The following FAT3 variants were observed in gnomAD, a reference collection of about 807,000 sequenced individuals.
The protein encoded by FAT3 is FAT atypical cadherin 3.
FAT3 carries 95 observed loss-of-function variants against 310.2 expected under a neutral mutation model. The ratio of observed to expected loss-of-function variants is 0.31; its 90% CI spans 0.26 to 0.36. The LOEUF (loss-of-function observed/expected upper bound fraction) is 0.36. Ranked by LOEUF, FAT3 falls within the 10% of genes least tolerant of loss-of-function variation. The probability of loss-of-function intolerance (pLI) is 1.00; values close to 1 mark genes in which losing one functional copy is unlikely to be tolerated. For missense variants in FAT3, 5,408 were observed against 5,715.6 expected (o/e 0.95, Z 1.74); for synonymous variants, 2,314 against 2,192.9 (o/e 1.06, Z -1.54).
intron 1 of FAT3, among the ~76,000 whole-genome samples, chr11:92,281,688 A>G (rs1946426804): frequency 6.6e-6 from 1 of 152,214 alleles, no homozygotes; most frequent in South Asian, 2.1e-4. Context: ...TATTGAATCA[A>G]TAAATGAGAA....
chr11:92,496,530 G>GACCC (rs1364484047), intron 2 of FAT3, among the ~76,000 whole-genome samples: 2 of 151,980 alleles, frequency 1.3e-5, no homozygotes. Context: ...AGTTCACAGT[G>GACCC]ACCCCCATGT....
chr11:92,425,484 C>G (rs919486816), intron 2 of FAT3, among the ~76,000 whole-genome samples: 2 of 152,004 alleles, frequency 1.3e-5, no homozygotes, highest in African/African-American at 4.8e-5. Flanking sequence ...GTTTGCTGCA[C>G]CCATCAACCC....
chr11:92,419,204 A>G (rs1950485886), intron 2 of FAT3, among the ~76,000 whole-genome samples: 1 of 152,120 alleles, frequency 6.6e-6, no homozygotes, highest in Admixed American at 6.6e-5. Flanking sequence ...TATTTTCCTT[A>G]TGTAAGTGAT....
chr11:92,225,795 C>G (rs1565336695), intron 1 of FAT3, among the ~76,000 whole-genome samples: 1 of 152,106 alleles, frequency 6.6e-6, no homozygotes, highest in Non-Finnish European at 1.5e-5. Flanking sequence ...TAGTGAACGG[C>G]GGCGGCGGCT....
chr11:92,660,163 T>C (rs988846439), intron 3 of FAT3, among the ~76,000 whole-genome samples: 4 of 152,042 alleles, frequency 2.6e-5, no homozygotes, highest in Non-Finnish European at 5.9e-5. Context: ...ACTCATTGAA[T>C]TTCTAGCAAC....
chr11:92,551,342 C>T (rs1441577702), intron 3 of FAT3, among the ~76,000 whole-genome samples: 1 of 151,394 alleles, frequency 6.6e-6, no homozygotes. Context: ...AAATATGGGG[C>T]CTCATTCTCC....
intron 3 of FAT3, among the ~76,000 whole-genome samples, chr11:92,632,170 G>A (rs1220604536): frequency 6.6e-6 from 1 of 152,118 alleles, no homozygotes; most frequent in African/African-American, 2.4e-5. Context: ...AAGACTTGTG[G>A]GATAGTTTGC....
chr11:92,632,621 G>A (rs1460382742), intron 3 of FAT3, among the ~76,000 whole-genome samples: 1 of 152,208 alleles, frequency 6.6e-6, no homozygotes, highest in Admixed American at 6.5e-5. Flanking sequence ...GCATATGAAA[G>A]GAGAGGAGTT....
At position 92,763,051 on chromosome 11, in the gene FAT3, C is replaced by T. The variant is rs1946200711; in HGVS notation, c.3984+881C>T. Among the ~76,000 whole-genome samples the T allele has an allele frequency of 3.3e-5, 5 of 151,820 alleles. No individual in the cohort carries two copies. In the South Asian group the frequency reaches 1.0e-3, roughly 32 times the overall value. On this transcript the variant is annotated intron_variant, in intron 5 of 27. Coordinates refer to ENST00000525166, the MANE Select transcript of FAT3 (RefSeq NM_001367949.2). ...GTGTGTGCCTGTAATCCCAGCTGCT[C>T]AGGAGGCTGAAGCAGGAGAAACGCT...
At position 92,798,144 on chromosome 11, in the gene FAT3, A is replaced by G. The variant is rs750264091; in HGVS notation, c.5131A>G (p.Asn1711Asp). 1.2e-6 allele frequency: 2 copies of G among 1,613,988 alleles called. No individual in the cohort carries two copies. The highest frequency in any genetic ancestry group is 2.2e-5 in the South Asian group (2 of 91,088). Reference sequence around the variant, plus strand: ...TTATGAAGTCAAAGATGGAGACATTAATGGGATCTTTACCATAAATCCATA... The same window carrying G: ...TTATGAAGTCAAAGATGGAGACATTGATGGGATCTTTACCATAAATCCATA... The part of the protein sequence containing the change: ...LIYEVKDGDI[N>D]GIFTINPYSG... Residue 1711 changes from asparagine to aspartate, a missense_variant, in exon 10 of 28, where the codon AAT becomes GAT. Transcript: ENST00000525166.
chr11:92,355,220 A>T lies in FAT3; in HGVS notation c.3108A>T (p.Glu1036Asp). 1 of 1,613,746 alleles carries T rather than the reference A, an allele frequency of 6.2e-7. No homozygotes were observed. Residue 1036 changes from glutamate to aspartate, a missense_variant, in exon 2 of 28, where the codon GAA (glutamate) becomes GAT (aspartate). Coordinates refer to ENST00000525166, the MANE Select transcript of FAT3 (RefSeq NM_001367949.2). ...AGGTGGAAGTGGTGGATGTCAATGA[A>T]AACCTCCACACTCCCTATTTCCCAG... The part of the protein sequence containing the change: ...FVEVEVVDVN[E>D]NLHTPYFPDF...
At chr11:92,683,796 T>A (rs1943554800) in intron 3 of FAT3, among the ~76,000 whole-genome samples, 1 of 152,196 alleles carries the variant, frequency 6.6e-6, no homozygotes, top group African/African-American at 2.4e-5. Context: ...CAACTTTCTT[T>A]TTCCTGGAAA....
intron 3 of FAT3, among the ~76,000 whole-genome samples, chr11:92,666,501 G>A (rs979461183): frequency 6.6e-6 from 1 of 150,752 alleles, no homozygotes; most frequent in African/African-American, 2.4e-5. Context: ...ACAGACAACC[G>A]CCACCACGCC....
At chr11:92,752,216 T>C (rs2136056510) in intron 4 of FAT3, among the ~76,000 whole-genome samples, 1 of 152,372 alleles carries the variant, frequency 6.6e-6, no homozygotes, top group Non-Finnish European at 1.5e-5. Context: ...TAAAACTTTA[T>C]TTACCAAAAC....
intron 4 of FAT3, among the ~76,000 whole-genome samples, chr11:92,721,234 A>C (rs948095584): frequency 3.9e-5 from 6 of 152,258 alleles, no homozygotes; most frequent in Non-Finnish European, 7.3e-5. Flanking sequence ...TTATAAAATT[A>C]AATGAAAGGT....
intron 3 of FAT3, among the ~76,000 whole-genome samples, chr11:92,539,783 A>G (rs1788369214): frequency 6.6e-6 from 1 of 152,198 alleles, no homozygotes; most frequent in Non-Finnish European, 1.5e-5. Context: ...TAACACACAC[A>G]AAAAAGATTA....
intron 1 of FAT3, among the ~76,000 whole-genome samples, chr11:92,226,045 C>T (rs1383765510): frequency 1.3e-5 from 2 of 152,166 alleles, no homozygotes; most frequent in African/African-American, 4.8e-5. Flanking sequence ...AGCTCAGGCC[C>T]CACTCCCGGG....
chr11:92,434,253 G>A (rs1950875586), intron 2 of FAT3, among the ~76,000 whole-genome samples: 1 of 152,122 alleles, frequency 6.6e-6, no homozygotes, highest in Admixed American at 6.6e-5. Flanking sequence ...GTGACCCCTA[G>A]CAAGGAGGAT....
intron 3 of FAT3, among the ~76,000 whole-genome samples, chr11:92,589,542 G>A (rs1449981193): frequency 6.6e-6 from 1 of 152,032 alleles, no homozygotes; most frequent in Non-Finnish European, 1.5e-5. Context: ...ACACTAAACA[G>A]TTTTTCCTCC....
Sources: gnomAD v4.1 joint callset for allele counts (sites outside exome capture counted in the v4.1 genomes callset) on GRCh38, gnomAD v4.1.1 for gene constraint, MANE v1.5 for transcripts, NCBI Gene and HGNC (gene_info 2026-07-23, HGNC 2026-07-21) for gene names.